The following THSD7A variants were observed in gnomAD, a reference collection of about 807,000 sequenced individuals.
THSD7A encodes the protein thrombospondin type 1 domain containing 7A, also known as thrombospondin type-1 domain-containing protein 7A.
Under a neutral mutation model 231.3 loss-of-function variants are expected in THSD7A, and 96 were observed. The ratio of observed to expected loss-of-function variants is 0.41; its 90% CI spans 0.35 to 0.49. The LOEUF is 0.49. Among genes scored for constraint, THSD7A ranks in the 20% least tolerant of loss-of-function variants. The pLI is 0.05. For missense variants in THSD7A, 2,290 were observed against 2,070.2 expected, an observed-to-expected ratio of 1.11 and a Z score of -2.06; for synonymous variants, 940 against 743.3, an observed-to-expected ratio of 1.26 and a Z score of -4.30.
At chr7:11,525,918 T>C (rs1383680745) in intron 6 of THSD7A, among the ~76,000 whole-genome samples, 1 of 152,174 alleles carries the variant, frequency 6.6e-6, no homozygotes, top group African/African-American at 2.4e-5. Context: ...TCAGCAGCAC[T>C]GGGTGAAAAC....
At chr7:11,439,601 G>T (rs929409932) in intron 13 of THSD7A, among the ~76,000 whole-genome samples, 1 of 152,016 alleles carries the variant, frequency 6.6e-6, no homozygotes, top group Non-Finnish European at 1.5e-5. Context: ...AAGTACTAGA[G>T]TGTTATTGCT....
intron 2 of THSD7A, among the ~76,000 whole-genome samples, chr7:11,616,715 T>C (rs1293741357): frequency 6.6e-6 from 1 of 152,122 alleles, no homozygotes; most frequent in Non-Finnish European, 1.5e-5. Flanking sequence ...TCTTTTACCA[T>C]AACCCAGTGA....
chr7:11,479,612 A>G (rs951813777), intron 7 of THSD7A, among the ~76,000 whole-genome samples: 8 of 151,696 alleles, frequency 5.3e-5, no homozygotes, highest in African/African-American at 1.9e-4. Context: ...TTCCTAAATC[A>G]TTAAAAATAG....
chr7:11,692,372 A>G (rs1351335752), intron 1 of THSD7A, among the ~76,000 whole-genome samples: 1 of 151,600 alleles, frequency 6.6e-6, no homozygotes, highest in African/African-American at 2.4e-5. Flanking sequence ...GGAAGGGTGC[A>G]TTACTTCAAG....
chr7:11,380,548 C>T (rs1782470079), intron 24 of THSD7A, among the ~76,000 whole-genome samples: 1 of 152,114 alleles, frequency 6.6e-6, no homozygotes, highest in Admixed American at 6.6e-5. Context: ...ATTATAATCA[C>T]AAAATACTCA....
chr7:11,592,107 A>T (rs1312553989), intron 3 of THSD7A, among the ~76,000 whole-genome samples: 1 of 152,196 alleles, frequency 6.6e-6, no homozygotes, highest in Non-Finnish European at 1.5e-5. Flanking sequence ...AACTTCCTTG[A>T]GCCTATTATG....
chr7:11,379,841 G>C, intron 24 of THSD7A, 129 bp from the exon 25 acceptor site: 1 of 1,001,202 alleles, frequency 1.0e-6, no homozygotes, highest in East Asian at 2.6e-5. Flanking sequence ...GTCAGTGGTT[G>C]ACTGTGAAAT....
intron 2 of THSD7A, among the ~76,000 whole-genome samples, chr7:11,633,579 T>C (rs995911472): frequency 6.6e-6 from 1 of 152,270 alleles, no homozygotes. Flanking sequence ...CTGTAACACA[T>C]AATGCCCTTC....
At chr7:11,797,617 C>T (rs1784163610) in intron 1 of THSD7A, among the ~76,000 whole-genome samples, 1 of 151,830 alleles carries the variant, frequency 6.6e-6, no homozygotes, top group African/African-American at 2.4e-5. Flanking sequence ...CAGAACCTCA[C>T]TATGTTGTCC....
At chr7:11,419,458 C>G (rs1784070643) in intron 16 of THSD7A, among the ~76,000 whole-genome samples, 1 of 152,146 alleles carries the variant, frequency 6.6e-6, no homozygotes, top group Admixed American at 6.5e-5. Context: ...GATTGTAAGT[C>G]TCCTCATGCC....
chr7:11,480,718 G>A (rs1229357521), intron 7 of THSD7A, among the ~76,000 whole-genome samples: 1 of 151,936 alleles, frequency 6.6e-6, no homozygotes, highest in African/African-American at 2.4e-5. Context: ...CAAAGGCCAA[G>A]GTAATTATAG....
chr7:11,598,188 G>A lies in THSD7A; in HGVS notation c.1023-4686C>T, dbSNP rs778127448. On this transcript the variant is annotated intron_variant, in intron 2 of 27. Coordinates refer to ENST00000423059, the MANE Select transcript of THSD7A (RefSeq NM_015204.3). ...ATTACATACTGATTCATTGGCTGTA[G>A]CCAATGGTTTGGCTGGATGGTCAGG... Among the ~76,000 whole-genome samples the A allele has an allele frequency of 2.0e-5, 3 of 152,216 alleles. No homozygotes were observed. In the East Asian group the frequency reaches 5.8e-4, roughly 29 times the overall value.
At chr7:11,624,130 T>C (rs747449255) in intron 2 of THSD7A, among the ~76,000 whole-genome samples, 2 of 152,068 alleles carry the variant, frequency 1.3e-5, no homozygotes, top group Admixed American at 6.6e-5. Flanking sequence ...ACTGCCAATA[T>C]TGAATTTCCA....
chr7:11,510,018 A>G (rs935291108), intron 6 of THSD7A, among the ~76,000 whole-genome samples: 1 of 152,064 alleles, frequency 6.6e-6, no homozygotes, highest in Admixed American at 6.6e-5. Flanking sequence ...CACCATACCC[A>G]TAAATACATA....
chr7:11,409,613 C>T (rs575788531), intron 19 of THSD7A, among the ~76,000 whole-genome samples: 2 of 152,244 alleles, frequency 1.3e-5, no homozygotes, highest in Admixed American at 6.5e-5. Flanking sequence ...GCAAAGCTCT[C>T]ATTTATTTTA....
intron 1 of THSD7A, among the ~76,000 whole-genome samples, chr7:11,671,828 AT>A (rs1180984760): frequency 6.6e-6 from 1 of 152,088 alleles, no homozygotes; most frequent in Non-Finnish European, 1.5e-5. Flanking sequence ...AGCAATTCAC[AT>A]TTTTTCATTC....
intron 6 of THSD7A, among the ~76,000 whole-genome samples, chr7:11,527,123 G>C (rs1304611774): frequency 6.6e-6 from 1 of 152,100 alleles, no homozygotes; most frequent in East Asian, 1.9e-4. Context: ...GCCATTTCCT[G>C]GGTTGTGTAT....
chr7:11,831,897 C>T lies in THSD7A; in HGVS notation c.50G>A (p.Gly17Glu), dbSNP rs545585492. The T allele has an allele frequency of 1.7e-4, 208 of 1,240,264 alleles. 1 individual carries two copies. The African/African-American group carries it at 2.4e-3, about 14-fold the overall frequency. 76.8% of individuals were successfully genotyped at this position (1,240,264 alleles called of 1,614,324 possible). The change falls in exon 1 of 28, where the codon GGG becomes GAG. Residue 17 changes from glycine (G) to glutamate (E), a missense_variant. Physicochemically the swap from Gly to Glu is moderately conservative, Grantham distance 98. Coordinates refer to ENST00000423059, the MANE Select transcript of THSD7A (RefSeq NM_015204.3). The surrounding 1 kb of genome is among the most constrained non-coding windows in gnomAD (Gnocchi z 5.0). ...RWASGSRGAA[G>E]PRRGVLQLLP... The stretch of plus-strand genomic sequence containing the variant: ...CAGCTGCAGGACGCCCCGGCGCGGC[C>T]CCGCAGCGCCCCGGCTCCCGGACGC...
At chr7:11,601,535 C>G (rs534983727) in intron 2 of THSD7A, among the ~76,000 whole-genome samples, 1 of 152,214 alleles carries the variant, frequency 6.6e-6, no homozygotes, top group Admixed American at 6.5e-5. Flanking sequence ...AGATGCAGCT[C>G]TTGTGGGAAA....
Sources: allele counts gnomAD v4.1 joint callset (sites outside exome capture counted in the v4.1 genomes callset), GRCh38; gene constraint gnomAD v4.1.1; non-coding constraint Gnocchi (gnomAD v3.1); transcripts MANE v1.5; gene names NCBI Gene and HGNC (gene_info 2026-07-23, HGNC 2026-07-21).